Variants in SUGCT observed in about 807,000 individuals in gnomAD.
SUGCT encodes succinyl-CoA:glutarate CoA-transferase.
In SUGCT, 41 loss-of-function variants were observed where a neutral mutation model predicts 55.0. That is an observed-to-expected ratio of 0.74 (90% confidence interval 0.58 to 0.97). SUGCT has a LOEUF of 0.97. Among genes scored for constraint, SUGCT ranks in the 50% least tolerant of loss-of-function variants. The pLI is 0.00. For missense variants in SUGCT, 568 were observed against 547.8 expected (o/e 1.04, Z -0.37); for synonymous variants, 187 against 200.4 (o/e 0.93, Z 0.56).
At chr7:40,571,899 G>C (rs1173693951) in intron 12 of SUGCT, among the ~76,000 whole-genome samples, 1 of 152,204 alleles carries the variant, frequency 6.6e-6, no homozygotes, top group African/African-American at 2.4e-5. Flanking sequence ...AATTGTTTCA[G>C]ACAGTGGTCA....
At chr7:40,770,327 G>A (rs1175343774) in intron 13 of SUGCT, among the ~76,000 whole-genome samples, 1 of 152,106 alleles carries the variant, frequency 6.6e-6, no homozygotes, top group East Asian at 1.9e-4. Context: ...TCTGGAGGCG[G>A]GCAGTTCAGC....
chr7:40,958,448 G>A, the SUGCT span, among the ~76,000 whole-genome samples: 18 of 151,454 alleles, frequency 1.2e-4, no homozygotes, highest in African/African-American at 4.1e-4. Flanking sequence ...CTGCTTGATC[G>A]ATTTGGCTAT....
At chr7:40,933,037 T>G in the SUGCT span, among the ~76,000 whole-genome samples, 1 of 152,184 alleles carries the variant, frequency 6.6e-6, no homozygotes, top group Non-Finnish European at 1.5e-5. Context: ...TCGATGGTCT[T>G]TACAATTTGG....
chr7:40,277,322 C>T (rs1464569146), intron 8 of SUGCT, among the ~76,000 whole-genome samples: 2 of 151,924 alleles, frequency 1.3e-5, no homozygotes, highest in Non-Finnish European at 2.9e-5. Flanking sequence ...ACTGGGACTA[C>T]AGGCGTGTGT....
intron 9 of SUGCT, among the ~76,000 whole-genome samples, chr7:40,441,522 G>GA (rs1326892692): frequency 7.9e-5 from 12 of 152,196 alleles, no homozygotes; most frequent in African/African-American, 2.4e-4. Flanking sequence ...AGCAAATTTT[G>GA]AAAAAGATAT....
intron 12 of SUGCT, among the ~76,000 whole-genome samples, chr7:40,497,496 T>C (rs575594234): frequency 3.9e-5 from 6 of 152,144 alleles, no homozygotes; most frequent in Non-Finnish European, 8.8e-5. Flanking sequence ...TCAATAATGG[T>C]CAATAAGTAT....
At chr7:40,447,650 A>G (rs530519593) in intron 9 of SUGCT, among the ~76,000 whole-genome samples, 7 of 152,196 alleles carry the variant, frequency 4.6e-5, no homozygotes, top group Admixed American at 4.6e-4. Flanking sequence ...GTTGTTGTTA[A>G]TGGTATTTTT....
intron 8 of SUGCT, among the ~76,000 whole-genome samples, chr7:40,276,136 G>A (rs574896182): frequency 2.0e-5 from 3 of 152,256 alleles, no homozygotes; most frequent in African/African-American, 4.8e-5. Context: ...GAAATACTAT[G>A]TATGGGTTTT....
At chr7:40,480,622 G>C (rs1451722039) in intron 11 of SUGCT, among the ~76,000 whole-genome samples, 1 of 151,924 alleles carries the variant, frequency 6.6e-6, no homozygotes, top group Non-Finnish European at 1.5e-5. Context: ...TCATTTTATT[G>C]ATATTATTTC....
the SUGCT span, chr7:40,965,580 A>G: frequency 6.6e-6 from 1 of 152,246 alleles, no homozygotes. Context: ...TTATGAATTC[A>G]TATTAATCGA....
At chr7:40,861,318 A>G (rs190308393), downstream of SUGCT, among the ~76,000 whole-genome samples, 1 of 152,370 alleles carries the variant, frequency 6.6e-6, no homozygotes, top group East Asian at 1.9e-4. Context: ...AGATAAAAGA[A>G]TGACAGGAAG....
chr7:40,432,243 C>T lies in SUGCT; in HGVS notation c.817-17044C>T, dbSNP rs983613580. On this transcript the variant is annotated intron_variant, in intron 9 of 13. Transcript: ENST00000335693. ...CATTTTTGAAGGATATTTTTGCTGA[C>T]ATAGTATTCTTGGTTAGAATTTTTC... 3.3e-5 allele frequency among the ~76,000 whole-genome samples: 5 copies of T among 152,134 alleles called. 1 individual carries two copies. Among genetic ancestry groups the T allele is most frequent in the Non-Finnish European group, 5.9e-5 (4 of 68,022 alleles).
the SUGCT span, among the ~76,000 whole-genome samples, chr7:40,922,861 G>A: frequency 6.6e-6 from 1 of 152,178 alleles, no homozygotes; most frequent in Non-Finnish European, 1.5e-5. Flanking sequence ...TGCCCCGGTG[G>A]TATTTCCTGC....
intron 11 of SUGCT, among the ~76,000 whole-genome samples, chr7:40,465,124 A>G (rs9655411): frequency 0.14 from 21,910 of 152,214 alleles, 3,886 homozygotes; most frequent in African/African-American, 0.42. Flanking sequence ...TACTGTGGCA[A>G]TTCCTTTAGT....
chr7:40,971,736 T>C, the SUGCT span, among the ~76,000 whole-genome samples: 2 of 152,176 alleles, frequency 1.3e-5, no homozygotes, highest in African/African-American at 2.4e-5. Context: ...CATTATTTCT[T>C]CTCTTTCAGG....
At chr7:40,453,805 G>C (rs1465583115) in intron 10 of SUGCT, among the ~76,000 whole-genome samples, 1 of 152,180 alleles carries the variant, frequency 6.6e-6, no homozygotes, top group Non-Finnish European at 1.5e-5. Flanking sequence ...ACCAGAACTT[G>C]CATGAGAACA....
intron 9 of SUGCT, among the ~76,000 whole-genome samples, chr7:40,441,839 T>C (rs1583685289): frequency 6.6e-6 from 1 of 152,200 alleles, no homozygotes; most frequent in East Asian, 1.9e-4. Flanking sequence ...TTTGGCAGGC[T>C]GAGGGAGAGG....
chr7:40,604,691 G>T (rs1798442880), intron 12 of SUGCT, among the ~76,000 whole-genome samples: 2 of 152,150 alleles, frequency 1.3e-5, no homozygotes, highest in Admixed American at 6.5e-5. Context: ...TAGAATGTAG[G>T]CTATAGCCAG....
chr7:40,179,530 G>A (rs930279409), intron 1 of SUGCT, among the ~76,000 whole-genome samples: 2 of 152,162 alleles, frequency 1.3e-5, no homozygotes, highest in South Asian at 2.1e-4. Context: ...TGATCTGCCC[G>A]CCTCGGCCTC....
Sources: allele counts gnomAD v4.1 joint callset (sites outside exome capture counted in the v4.1 genomes callset), GRCh38; gene constraint gnomAD v4.1.1; transcripts MANE v1.5; gene names NCBI Gene and HGNC (gene_info 2026-07-23, HGNC 2026-07-21).